The following TLE2 variants were observed in gnomAD, a reference collection of about 807,000 sequenced individuals.
TLE2 encodes transducin-like enhancer protein 2.
Under a neutral mutation model 97.2 loss-of-function variants are expected in TLE2, and 74 were observed. The ratio of observed to expected loss-of-function variants is 0.76; its 90% confidence interval spans 0.63 to 0.92. TLE2 has a LOEUF of 0.92. Among genes scored for constraint, TLE2 ranks in the 40% least tolerant of loss-of-function variants. The pLI is 0.00. For synonymous variants in TLE2, 499 were observed against 432.1 expected (o/e 1.15, Z -1.92); for missense variants, 1,038 against 1,008.7 (o/e 1.03, Z -0.39).
chr19:3,019,256 C>G lies in TLE2; in HGVS notation c.550+27G>C. 6.4e-7 allele frequency: 1 copy of G among 1,561,570 alleles called. No homozygotes were observed. Among genetic ancestry groups the G allele is most frequent in the Non-Finnish European group, 8.6e-7 (1 of 1,161,810 alleles). ...TCCTCCCCAGCCCCGTCTCCCCAGC[C>G]AATGCCACCCCGTGCTGCCCACTCA... On this transcript the variant is annotated intron_variant, in intron 7 of 19. Coordinates refer to ENST00000262953, the MANE Select transcript of TLE2 (RefSeq NM_003260.5). This position sits in a 1 kb window ranked among gnomAD's most constrained non-coding sequence, Gnocchi z 5.1.
upstream of TLE2, among the ~76,000 whole-genome samples, chr19:3,031,342 T>TTGTGTGTG (rs60898410): frequency 3.0e-4 from 42 of 139,992 alleles, no homozygotes; most frequent in Middle Eastern, 3.6e-3. Flanking sequence ...AAAGATACAA[T>TTGTGTGTG]TGTGTGTGTG....
chr19:3,007,710 G>A (rs928996681), intron 14 of TLE2, among the ~76,000 whole-genome samples: 3 of 152,206 alleles, frequency 2.0e-5, no homozygotes, highest in Non-Finnish European at 4.4e-5. Context: ...AACCTTGAGT[G>A]TTCCAGACCA....
At chr19:3,022,047 T>C (rs1019717953) in intron 5 of TLE2, among the ~76,000 whole-genome samples, 1 of 151,638 alleles carries the variant, frequency 6.6e-6, no homozygotes, top group Non-Finnish European at 1.5e-5. Context: ...CTCTGTTACA[T>C]TATACATATA....
chr19:3,032,439 T>C (rs879512566), upstream of TLE2, among the ~76,000 whole-genome samples: 9 of 152,138 alleles, frequency 5.9e-5, no homozygotes, highest in Non-Finnish European at 1.2e-4. This position sits in a 1 kb window ranked among gnomAD's most constrained non-coding sequence, Gnocchi z 4.1. Flanking sequence ...GCTTTCGCTA[T>C]GTTGGCCAGG....
intron 13 of TLE2, 21 bp from the exon 14 acceptor site, chr19:3,008,966 TGTCA>T: frequency 6.5e-7 from 1 of 1,540,784 alleles, no homozygotes; most frequent in Admixed American, 1.9e-5. Context: ...GCCAGGGGGG[TGTCA>T]GTGAGGCAGG....
At chr19:3,025,237 C>A in intron 4 of TLE2, 155 bp from the exon 5 acceptor site, 1 of 1,078,656 alleles carries the variant, frequency 9.3e-7, no homozygotes, top group Non-Finnish European at 1.3e-6. Context: ...TGGCATGGGC[C>A]GAGGTGGGAT....
At chr19:3,005,607 G>A in intron 16 of TLE2, 23 bp from the exon 17 acceptor site, 5 of 1,612,148 alleles carry the variant, frequency 3.1e-6, no homozygotes, top group East Asian at 2.2e-5. Flanking sequence ...GGGCCCAGGC[G>A]TCCATCCTGG....
chr19:3,036,659 G>A (rs1264915704), intron 1 of TLE2, among the ~76,000 whole-genome samples: 2 of 152,274 alleles, frequency 1.3e-5, no homozygotes, highest in African/African-American at 2.4e-5. Flanking sequence ...CCAGGAACAT[G>A]AGGAGCCATC....
At chr19:3,006,112 C>T (rs562202032) in intron 15 of TLE2, 144 bp from the exon 16 acceptor site, 1 of 1,095,746 alleles carries the variant, frequency 9.1e-7, no homozygotes, top group African/African-American at 1.5e-5. Flanking sequence ...CTGGTGAGCC[C>T]CGCCCCTTTG....
At chr19:3,000,370 C>T (rs1599190058) in intron 19 of TLE2, among the ~76,000 whole-genome samples, 2 of 151,972 alleles carry the variant, frequency 1.3e-5, no homozygotes, top group African/African-American at 2.4e-5. Flanking sequence ...CGACCGTGCC[C>T]GGCTGGCAAA....
At chr19:3,015,833 G>A (rs891928208) in intron 8 of TLE2, 73 bp from the exon 9 acceptor site, 30 of 1,107,506 alleles carry the variant, frequency 2.7e-5, no homozygotes, top group African/African-American at 1.5e-4. Context: ...TGATCCAGCC[G>A]AGACTGAGGG....
upstream of TLE2, among the ~76,000 whole-genome samples, chr19:3,032,683 C>T (rs1416855406): frequency 6.6e-6 from 1 of 152,064 alleles, no homozygotes; most frequent in Non-Finnish European, 1.5e-5. The surrounding 1 kb of genome is among the most constrained non-coding windows in gnomAD (Gnocchi z 4.1). Flanking sequence ...CAATAACCAG[C>T]CTAAAGCCAG....
At chr19:3,024,994 C>CACCCCCCCCCCCCCCG in intron 5 of TLE2, 26 bp downstream of exon 5, 1 of 1,566,474 alleles carries the variant, frequency 6.4e-7, no homozygotes. Context: ...CCTTCCCCTC[C>CACCCCCCCCCCCCCCG]TCCCCCCACC....
upstream of TLE2, chr19:3,029,408 C>T: frequency 1.4e-6 from 1 of 731,118 alleles, no homozygotes; most frequent in Non-Finnish European, 1.7e-6. Flanking sequence ...CGGGCACCCG[C>T]CCCCTTCCTT....
rs1185875680 is a variant in TLE2, at chr19:3,019,503, G to A, written c.370-40C>T. ...GCAGGATGGGCCGGGGCGGGGGGCGGCAGGAGCCCAGCGGTCCCCAGCCCA... is the reference window on the plus strand; with the variant it reads ...GCAGGATGGGCCGGGGCGGGGGGCGACAGGAGCCCAGCGGTCCCCAGCCCA... On this transcript the variant is annotated intron_variant, in intron 6 of 19. Coordinates refer to ENST00000262953, the MANE Select transcript of TLE2 (RefSeq NM_003260.5). This position sits in a 1 kb window ranked among gnomAD's most constrained non-coding sequence, Gnocchi z 5.1. The A allele has an allele frequency of 1.3e-6, 2 of 1,485,532 alleles. No homozygotes were observed. Among genetic ancestry groups the A allele is most frequent in the Non-Finnish European group, 1.8e-6 (2 of 1,121,156 alleles). 92.0% of individuals were successfully genotyped at this position (1,485,532 alleles called of 1,614,324 possible).
chr19:3,026,517 C>T (rs978836211), intron 4 of TLE2, among the ~76,000 whole-genome samples: 7 of 149,806 alleles, frequency 4.7e-5, no homozygotes, highest in East Asian at 3.9e-4. Flanking sequence ...ATCAGAAGTT[C>T]GGGAATAGCC....
In TLE2 at chr19:3,025,080, C is replaced by T. The variant is rs771383993; in HGVS notation, c.234G>A (p.Ala78=). Residue 78 remains alanine (A), a splice_region_variant and synonymous_variant, in exon 5 of 20, where the codon GCG becomes GCA. Transcript: ENST00000262953. ...TACCGCTCAGACGCTTCACAATCTC[C>T]GCCTGGCAGGAAGCAATGAGAGGAA... The part of the protein sequence containing the change: ...YGLNIEMHKQ[A]EIVKRLSGIC... 20 of 1,603,790 alleles carry T rather than the reference C, an allele frequency of 1.2e-5. No individual in the cohort carries two copies. The highest frequency in any genetic ancestry group is 4.5e-5 in the East Asian group (2 of 44,450).
At chr19:2,998,040 G>T in intron 19 of TLE2, 85 bp from the exon 20 acceptor site, 1 of 916,962 alleles carries the variant, frequency 1.1e-6, no homozygotes, top group Non-Finnish European at 1.7e-6. Flanking sequence ...GGCGGAGTCA[G>T]GAACGGGAGG....
chr19:3,030,054 C>T (rs3760965), upstream of TLE2, among the ~76,000 whole-genome samples: 42,946 of 152,064 alleles, frequency 0.28, 6,150 homozygotes, highest in East Asian at 0.35. Flanking sequence ...CCTCTCTCTT[C>T]GGCCTTCCAA....
Sources: allele counts gnomAD v4.1 joint callset (sites outside exome capture counted in the v4.1 genomes callset), GRCh38; gene constraint gnomAD v4.1.1; non-coding constraint Gnocchi (gnomAD v3.1); transcripts MANE v1.5; gene names NCBI Gene and HGNC (gene_info 2026-07-23, HGNC 2026-07-21).